The following ATP2C1 variants were observed in gnomAD, a reference collection of about 807,000 sequenced individuals.
ATP2C1 encodes the protein ATPase secretory pathway Ca2+ transporting 1, also known as calcium-transporting ATPase type 2C member 1.
Under a neutral mutation model 120.5 loss-of-function variants are expected in ATP2C1, and 31 were observed. The ratio of observed to expected loss-of-function variants is 0.26; its 90% CI spans 0.19 to 0.35. ATP2C1 has a LOEUF of 0.35. ATP2C1 is among the 10% of genes least tolerant of loss of function. ATP2C1 has a pLI of 1.00. For missense variants in ATP2C1, 731 were observed against 1,107.5 expected (o/e 0.66, Z 4.83); for synonymous variants, 351 against 358.7 (o/e 0.98, Z 0.24).
chr3:130,986,892 A>G (rs1388960634), intron 20 of ATP2C1, among the ~76,000 whole-genome samples: 8 of 22,490 alleles, frequency 3.6e-4, no homozygotes, highest in Admixed American at 1.7e-3. Context: ...AGTTTAGTTT[A>G]GTTTAGTTTA....
At chr3:130,878,778 T>A (rs1048350769) in intron 1 of ATP2C1, among the ~76,000 whole-genome samples, 1 of 152,218 alleles carries the variant, frequency 6.6e-6, no homozygotes, top group Admixed American at 6.5e-5. Context: ...CCTTTAGATA[T>A]GACTTGATGC....
chr3:130,950,555 A>G (rs1365994506), intron 8 of ATP2C1, among the ~76,000 whole-genome samples: 1 of 152,046 alleles, frequency 6.6e-6, no homozygotes, highest in African/African-American at 2.4e-5. Flanking sequence ...ACTACTTCCT[A>G]GGAAAACTCT....
intron 5 of ATP2C1, among the ~76,000 whole-genome samples, chr3:130,937,191 C>T (rs2059710842): frequency 6.6e-6 from 1 of 152,106 alleles, no homozygotes; most frequent in Non-Finnish European, 1.5e-5. Flanking sequence ...TTTGTGAGAG[C>T]ATAAAAGGGC....
chr3:130,930,976 G>A (rs2059424533), intron 3 of ATP2C1, among the ~76,000 whole-genome samples: 1 of 152,082 alleles, frequency 6.6e-6, no homozygotes, highest in Admixed American at 6.6e-5. Flanking sequence ...TTAAGTACAA[G>A]TTTAGAATTG....
At chr3:130,890,019 T>C (rs2069118998), upstream of ATP2C1, among the ~76,000 whole-genome samples, 1 of 152,170 alleles carries the variant, frequency 6.6e-6, no homozygotes, top group Admixed American at 6.5e-5. Flanking sequence ...AGTTTGATCA[T>C]AGGAAACAAG....
intron 1 of ATP2C1, among the ~76,000 whole-genome samples, chr3:130,860,538 C>G (rs943762743): frequency 1.2e-4 from 19 of 152,202 alleles, no homozygotes; most frequent in Non-Finnish European, 2.4e-4. Flanking sequence ...ATTTATTTCT[C>G]ATAATAACCT....
chr3:130,885,169 G>A (rs1417905416), intron 1 of ATP2C1, among the ~76,000 whole-genome samples: 1 of 151,764 alleles, frequency 6.6e-6, no homozygotes, highest in Non-Finnish European at 1.5e-5. Flanking sequence ...TCTGACCTCA[G>A]GTGATCCACC....
At chr3:130,880,754 G>A (rs1339096071) in intron 1 of ATP2C1, among the ~76,000 whole-genome samples, 1 of 152,180 alleles carries the variant, frequency 6.6e-6, no homozygotes, top group East Asian at 1.9e-4. Flanking sequence ...AGTATGCTCA[G>A]TGGGACTAGT....
upstream of ATP2C1, among the ~76,000 whole-genome samples, chr3:130,892,900 T>C (rs1559887207): frequency 1.3e-5 from 2 of 152,254 alleles, no homozygotes; most frequent in Non-Finnish European, 1.5e-5. Context: ...CCGTTAATTC[T>C]GATGTTGAAC....
intron 1 of ATP2C1, among the ~76,000 whole-genome samples, chr3:130,861,844 G>C (rs2068023400): frequency 6.6e-6 from 1 of 152,050 alleles, no homozygotes; most frequent in African/African-American, 2.4e-5. Flanking sequence ...CAAAATCTAG[G>C]AAATAAGTGT....
At chr3:130,951,292 C>T (rs1467348005) in intron 8 of ATP2C1, among the ~76,000 whole-genome samples, 1 of 152,132 alleles carries the variant, frequency 6.6e-6, no homozygotes, top group Non-Finnish European at 1.5e-5. Flanking sequence ...TAAAGTCTTT[C>T]AACACTGGAA....
chr3:130,855,339 A>T (rs2067802262), intron 1 of ATP2C1, among the ~76,000 whole-genome samples: 7 of 152,204 alleles, frequency 4.6e-5, no homozygotes, highest in Admixed American at 4.6e-4. Flanking sequence ...TGGCACATAG[A>T]TGATAAATTA....
chr3:130,994,974 A>C (rs534843291), intron 22 of ATP2C1, among the ~76,000 whole-genome samples: 2 of 152,358 alleles, frequency 1.3e-5, no homozygotes, highest in Admixed American at 1.3e-4. Context: ...GCAACATGTG[A>C]TCTACTTGAT....
intron 17 of ATP2C1, among the ~76,000 whole-genome samples, chr3:130,973,441 C>T (rs1016710301): frequency 1.3e-5 from 2 of 152,076 alleles, no homozygotes; most frequent in East Asian, 1.9e-4. Context: ...GGATACATTC[C>T]AAGACTGCTA....
intron 2 of ATP2C1, among the ~76,000 whole-genome samples, chr3:130,912,052 T>C (rs200060685): frequency 0.1 from 9,046 of 87,624 alleles, 473 homozygotes; most frequent in East Asian, 0.17. Context: ...TAGCCATATG[T>C]AGAAAGCTGA....
rs116794941 is a variant in ATP2C1, at chr3:130,907,638, A to T, written c.6+12863A>T. ...TCTGTTGGTTTATATGTCTTTGCTGATGTAAGTACCATAATGTTTTGATTA... is the reference window on the plus strand; with the variant it reads ...TCTGTTGGTTTATATGTCTTTGCTGTTGTAAGTACCATAATGTTTTGATTA... On this transcript the variant is annotated intron_variant, in intron 2 of 27. Transcript: ENST00000510168. Among the ~76,000 whole-genome samples the T allele has an allele frequency of 2.0e-3, 305 of 151,474 alleles. 2 individuals are homozygous for T. The highest frequency in any genetic ancestry group is 2.5e-3 in the Non-Finnish European group (167 of 67,818).
intron 18 of ATP2C1, among the ~76,000 whole-genome samples, chr3:130,977,478 T>C (rs1474666169): frequency 2.0e-5 from 3 of 152,168 alleles, no homozygotes; most frequent in Non-Finnish European, 4.4e-5. Context: ...CTTGCTACTC[T>C]TAGCAGCACA....
chr3:130,905,754 G>C lies in ATP2C1; in HGVS notation c.6+10979G>C, dbSNP rs2058091578. ...TATGATAAAGATGTGTTCTTAAAAGGACTGGATTTGCTTAAGGTTGGGTAC... is the reference window on the plus strand; with the variant it reads ...TATGATAAAGATGTGTTCTTAAAAGCACTGGATTTGCTTAAGGTTGGGTAC... On this transcript the variant is annotated intron_variant, in intron 2 of 27. Transcript: ENST00000510168. Among the ~76,000 whole-genome samples, 4 of 152,058 alleles carry C rather than the reference G, an allele frequency of 2.6e-5. No individual in the cohort carries two copies. In the South Asian group the frequency reaches 8.3e-4, roughly 32 times the overall value.
chr3:130,894,104 A>T lies in ATP2C1; in HGVS notation c.-414A>T. 1.0e-6 allele frequency: 1 copy of T among 973,908 alleles called. No individual in the cohort carries two copies. The highest frequency in any genetic ancestry group is 1.2e-6 in the Non-Finnish European group (1 of 819,552). 60.3% of individuals were successfully genotyped at this position (973,908 alleles called of 1,614,324 possible). ...GGAGCAGACCAGCACGGCCTCGCGG[A>T]GCCGGCCCGGCGGACCGTGACGGGT... On this transcript the variant is annotated 5_prime_UTR_variant, in exon 1 of 28. Coordinates refer to ENST00000510168, the MANE Select transcript of ATP2C1 (RefSeq NM_001378687.1). This position sits in a 1 kb window ranked among gnomAD's most constrained non-coding sequence, Gnocchi z 4.5.
Sources: allele counts gnomAD v4.1 joint callset (sites outside exome capture counted in the v4.1 genomes callset), GRCh38; gene constraint gnomAD v4.1.1; non-coding constraint Gnocchi (gnomAD v3.1); transcripts MANE v1.5; gene names NCBI Gene and HGNC (gene_info 2026-07-23, HGNC 2026-07-21).